GRIN2A: variants seen among roughly 807,000 people sequenced by gnomAD.
GRIN2A encodes the protein glutamate ionotropic receptor NMDA type subunit 2A.
In GRIN2A, 22 loss-of-function variants were observed where a neutral mutation model predicts 113.4. The observed-to-expected ratio is 0.19, with a 90% confidence interval of 0.14 to 0.28. The LOEUF is 0.28. GRIN2A is among the 10% of genes least tolerant of loss of function. GRIN2A has a pLI of 1.00. For missense variants in GRIN2A, 1,502 were observed against 1,887.0 expected (o/e 0.80, Z 3.78); for synonymous variants, 827 against 738.4 (o/e 1.12, Z -1.94).
intron 2 of GRIN2A, among the ~76,000 whole-genome samples, chr16:10,003,834 G>C (rs2046361742): frequency 6.6e-6 from 1 of 152,198 alleles, no homozygotes; most frequent in Non-Finnish European, 1.5e-5. Flanking sequence ...GCTTGAGAAA[G>C]ACTGTGGGTT....
At chr16:9,812,400 A>T (rs1030426762) in intron 10 of GRIN2A, among the ~76,000 whole-genome samples, 5 of 152,188 alleles carry the variant, frequency 3.3e-5, no homozygotes, top group African/African-American at 1.2e-4. Context: ...GCACTTTGGG[A>T]GGCCGAGGTG....
intron 2 of GRIN2A, among the ~76,000 whole-genome samples, chr16:10,167,179 G>C (rs1246861693): frequency 6.6e-6 from 1 of 152,156 alleles, no homozygotes; most frequent in South Asian, 2.1e-4. Flanking sequence ...AAGGGTTTCA[G>C]AGGGTCTGTG....
At chr16:10,060,238 T>C (rs527412300) in intron 2 of GRIN2A, among the ~76,000 whole-genome samples, 1 of 152,146 alleles carries the variant, frequency 6.6e-6, no homozygotes, top group East Asian at 1.9e-4. Context: ...GGGAACAAAG[T>C]CCTCACAGCC....
intron 2 of GRIN2A, among the ~76,000 whole-genome samples, chr16:10,091,896 A>AT (rs1189259846): frequency 2.0e-5 from 3 of 152,072 alleles, no homozygotes; most frequent in African/African-American, 7.2e-5. Flanking sequence ...GCCTGAGATA[A>AT]TTTTTTTAGG....
At chr16:9,964,793 A>C (rs1875208) in intron 2 of GRIN2A, among the ~76,000 whole-genome samples, 104,252 of 152,054 alleles carry the variant, frequency 0.69, 37,407 homozygotes, top group African/African-American at 0.85. Context: ...GGATCATCCG[A>C]ATCTCAAGGT....
At chr16:10,035,022 T>C (rs1290880564) in intron 2 of GRIN2A, among the ~76,000 whole-genome samples, 1 of 152,110 alleles carries the variant, frequency 6.6e-6, no homozygotes, top group Non-Finnish European at 1.5e-5. Flanking sequence ...GACTTCATCT[T>C]CACTTTCTTT....
At chr16:10,015,267 AAAAAG>A (rs1165190293) in intron 2 of GRIN2A, among the ~76,000 whole-genome samples, 9,129 of 119,820 alleles carry the variant, frequency 0.076, 415 homozygotes, top group African/African-American at 0.12. Context: ...AAAAAAAAAA[AAAAAG>A]AAAAAAAAAA....
chr16:10,099,195 C>A (rs539896386), intron 2 of GRIN2A, among the ~76,000 whole-genome samples: 1 of 152,210 alleles, frequency 6.6e-6, no homozygotes, highest in East Asian at 1.9e-4. Context: ...TGAGTAACTG[C>A]AAAACCATTA....
intron 2 of GRIN2A, among the ~76,000 whole-genome samples, chr16:9,982,834 G>A (rs1459880650): frequency 6.6e-6 from 1 of 152,092 alleles, no homozygotes; most frequent in African/African-American, 2.4e-5. Context: ...CCTACACCTT[G>A]AATCACCCAC....
chr16:9,883,643 C>A, intron 4 of GRIN2A, among the ~76,000 whole-genome samples: 1 of 152,108 alleles, frequency 6.6e-6, no homozygotes, highest in East Asian at 1.9e-4. Flanking sequence ...GGGGTACGGG[C>A]GAATAAACAT....
chr16:9,999,955 C>A (rs1355790211), intron 2 of GRIN2A, among the ~76,000 whole-genome samples: 5 of 152,074 alleles, frequency 3.3e-5, no homozygotes, highest in Non-Finnish European at 7.4e-5. Context: ...TGTGTTCCTC[C>A]AGAACTCTAG....
intron 2 of GRIN2A, among the ~76,000 whole-genome samples, chr16:10,129,136 C>T (rs986513482): frequency 1.3e-5 from 2 of 152,100 alleles, no homozygotes; most frequent in Non-Finnish European, 2.9e-5. Flanking sequence ...AATGCAGTGG[C>T]ACGATCAGAG....
chr16:9,832,110 A>G lies in GRIN2A; in HGVS notation c.1777+1995T>C, dbSNP rs1437134841. Among the ~76,000 whole-genome samples, 6 of 148,454 alleles carry G rather than the reference A, an allele frequency of 4.0e-5. 1 individual carries two copies. Among genetic ancestry groups the G allele is most frequent in the African/African-American group, 1.5e-4 (6 of 40,340 alleles). ...ATTTTATTTATTTATTTATTTATTT[A>G]TTTATTTATTTATTTATTTATTTAT... On this transcript the variant is annotated intron_variant, in intron 8 of 12. Coordinates refer to ENST00000330684, the MANE Select transcript of GRIN2A (RefSeq NM_001134407.3).
At chr16:10,044,022 T>TATATATATATATATAG (rs531659457) in intron 2 of GRIN2A, among the ~76,000 whole-genome samples, 18 of 108,004 alleles carry the variant, frequency 1.7e-4, no homozygotes, top group Non-Finnish European at 2.1e-4. Flanking sequence ...TATATATATA[T>TATATATATATATATAG]AGAGAGAGAG....
chr16:9,980,362 A>T (rs1446538046), intron 2 of GRIN2A, among the ~76,000 whole-genome samples: 1 of 152,126 alleles, frequency 6.6e-6, no homozygotes, highest in Non-Finnish European at 1.5e-5. Flanking sequence ...GATGTGGAGA[A>T]ATAGGAACAC....
chr16:10,074,619 G>T (rs2047833069), intron 2 of GRIN2A, among the ~76,000 whole-genome samples: 1 of 152,176 alleles, frequency 6.6e-6, no homozygotes, highest in Admixed American at 6.5e-5. Context: ...CTAAGTGAAG[G>T]AAACCAGACG....
chr16:9,928,527 C>T (rs2044517731), intron 3 of GRIN2A, among the ~76,000 whole-genome samples: 1 of 152,096 alleles, frequency 6.6e-6, no homozygotes, highest in Middle Eastern at 3.4e-3. Flanking sequence ...AGAGGTTTTC[C>T]CCCTGCCTGA....
chr16:10,182,487 G>C (rs920504148), upstream of GRIN2A: 4 of 152,264 alleles, frequency 2.6e-5, no homozygotes, highest in Admixed American at 2.6e-4. Flanking sequence ...AGTAGGAGAG[G>C]GGGAGGGAAG....
intron 2 of GRIN2A, among the ~76,000 whole-genome samples, chr16:10,022,349 G>T (rs1037228100): frequency 1.4e-5 from 2 of 147,014 alleles, no homozygotes; most frequent in African/African-American, 5.0e-5. Flanking sequence ...ACGCACATAC[G>T]TGTACCATCC....
Sources: allele counts gnomAD v4.1 joint callset (sites outside exome capture counted in the v4.1 genomes callset), GRCh38; gene constraint gnomAD v4.1.1; transcripts MANE v1.5; gene names NCBI Gene and HGNC (gene_info 2026-07-23, HGNC 2026-07-21).